Variants in RNF144B observed in about 807,000 individuals in gnomAD.
RNF144B encodes E3 ubiquitin-protein ligase RNF144B.
A neutral mutation model predicts 40.2 loss-of-function variants in RNF144B; 25 were observed. That is an observed-to-expected ratio of 0.62 (90% CI 0.45 to 0.87). The LOEUF (loss-of-function observed/expected upper bound fraction) is 0.87. Ranked by LOEUF, RNF144B falls within the 40% of genes least tolerant of loss-of-function variation. The pLI, the probability that RNF144B is intolerant of heterozygous loss-of-function variation, is 0.00. For missense variants in RNF144B, 365 were observed against 373.7 expected, an observed-to-expected ratio of 0.98 and a Z score of 0.19; for synonymous variants, 145 against 136.3, an observed-to-expected ratio of 1.06 and a Z score of -0.44.
rs1354524199 is a variant in RNF144B, at chr6:18,418,288, A to C, written c.166-9293A>C. On this transcript the variant is annotated intron_variant, in intron 2 of 7. Transcript: ENST00000259939. This position sits in a 1 kb window ranked among gnomAD's most constrained non-coding sequence, Gnocchi z 5.2. ...CATGAAAACTTGCTCATAGCAGCAT[A>C]ATTCATAATACCACTCAACTGGAAA... Among the ~76,000 whole-genome samples the C allele has an allele frequency of 6.6e-6, 1 of 152,198 alleles. No homozygotes were observed.
chr6:18,429,612 A>G lies in RNF144B; in HGVS notation c.270+1927A>G, dbSNP rs550424798. Among the ~76,000 whole-genome samples, 5 of 152,324 alleles carry G rather than the reference A, an allele frequency of 3.3e-5. No homozygotes were observed. In the East Asian group the frequency reaches 5.8e-4, roughly 18 times the overall value. On this transcript the variant is annotated intron_variant, in intron 3 of 7. Transcript: ENST00000259939. ...GAGTATGTAAACCCTGTGGAGAGAT[A>G]TATTATTGACTTTTGTAGGGTAAAA...
chr6:18,425,056 GGT>G lies in RNF144B; in HGVS notation c.166-2508_166-2507del, dbSNP rs10616768. ...TTTCACGTGTATGTGTGTATGTGTG[GGT>G]GTGTGTGTGTGTGTGTTAAAACCTG... On this transcript the variant is annotated intron_variant, in intron 2 of 7. Transcript: ENST00000259939. The surrounding 1 kb of genome is among the most constrained non-coding windows in gnomAD (Gnocchi z 4.2). Among the ~76,000 whole-genome samples, 18,462 of 150,928 alleles carry G rather than the reference GGT, an allele frequency of 0.12. 1,308 individuals carry two copies. The highest frequency in any genetic ancestry group is 0.19 in the Admixed American group (2,919 of 15,128).
intron 2 of RNF144B, among the ~76,000 whole-genome samples, chr6:18,404,813 C>T (rs12196106): frequency 0.39 from 59,597 of 152,030 alleles, 12,887 homozygotes; most frequent in East Asian, 0.57. Flanking sequence ...TATTTAAGAA[C>T]TTGCTTACTT....
chr6:18,396,853 A>G (rs1794703111), intron 1 of RNF144B: 1 of 983,642 alleles, frequency 1.0e-6, no homozygotes. Context: ...CCGTATGTTT[A>G]TCATAAAGAG....
chr6:18,400,470 T>C lies in RNF144B; in HGVS notation c.165+771T>C, dbSNP rs1298847792. Among the ~76,000 whole-genome samples, 1 of 152,138 alleles carries C rather than the reference T, an allele frequency of 6.6e-6. No homozygotes were observed. The highest frequency in any genetic ancestry group is 2.4e-5 in the African/African-American group (1 of 41,412). On this transcript the variant is annotated intron_variant, in intron 2 of 7. Coordinates refer to ENST00000259939, the MANE Select transcript of RNF144B (RefSeq NM_182757.4). This position sits in a 1 kb window ranked among gnomAD's most constrained non-coding sequence, Gnocchi z 5.6. ...AGCTCCTTTTATGCTGTTTTCACAG[T>C]ATGCTGAATCCTTCTTATTCCACTT...
intron 6 of RNF144B, among the ~76,000 whole-genome samples, chr6:18,461,518 T>C (rs966094231): frequency 6.6e-6 from 1 of 152,204 alleles, no homozygotes; most frequent in African/African-American, 2.4e-5. Flanking sequence ...GGAACAAATA[T>C]GTGCACCAGA....
intron 1 of RNF144B, among the ~76,000 whole-genome samples, chr6:18,389,145 CT>C (rs1169030343): frequency 6.6e-6 from 1 of 152,172 alleles, no homozygotes; most frequent in Non-Finnish European, 1.5e-5. Context: ...TGCCAAATAT[CT>C]TTGTGCTGAG....
chr6:18,387,693 T>A, intron 1 of RNF144B, 63 bp downstream of exon 1: 1 of 1,244,544 alleles, frequency 8.0e-7, no homozygotes, highest in South Asian at 1.3e-5. Context: ...GTTGCTGGAC[T>A]AAGGAAAAAG....
intron 4 of RNF144B, among the ~76,000 whole-genome samples, chr6:18,452,704 C>T (rs909358321): frequency 2.6e-5 from 4 of 151,944 alleles, no homozygotes; most frequent in African/African-American, 9.7e-5. Flanking sequence ...TCTCCTAGCC[C>T]CTGCCTTTAC....
rs1759413789 is a variant in RNF144B, at chr6:18,459,822, AT to A, written c.681+75del. On this transcript the variant is annotated intron_variant, in intron 6 of 7. Coordinates refer to ENST00000259939, the MANE Select transcript of RNF144B (RefSeq NM_182757.4). This position sits in a 1 kb window ranked among gnomAD's most constrained non-coding sequence, Gnocchi z 4.2. ...CTGCACCACAGCTGATATCCTACAG[AT>A]TTTCCTTTAAAATATTGGGGCAATT... 3 of 1,405,048 alleles carry A rather than the reference AT, an allele frequency of 2.1e-6. No individual in the cohort carries two copies. In the Admixed American group the frequency reaches 6.6e-5, roughly 31 times the overall value. 87.0% of individuals were successfully genotyped at this position (1,405,048 alleles called of 1,614,324 possible). A position where few individuals can be genotyped will look rare whatever the true frequency, so the allele number is the denominator to read the frequency against.
At position 18,410,442 on chromosome 6, in the gene RNF144B, G is replaced by A. The variant is rs552256970; in HGVS notation, c.165+10743G>A. Among the ~76,000 whole-genome samples the A allele has an allele frequency of 6.6e-6, 1 of 152,186 alleles. No individual in the cohort carries two copies. Among genetic ancestry groups the A allele is most frequent in the Non-Finnish European group, 1.5e-5 (1 of 68,046 alleles). On this transcript the variant is annotated intron_variant, in intron 2 of 7. Coordinates refer to ENST00000259939, the MANE Select transcript of RNF144B (RefSeq NM_182757.4). This position sits in a 1 kb window ranked among gnomAD's most constrained non-coding sequence, Gnocchi z 4.6. Reference sequence around the variant, plus strand: ...TAAAATAGACTCAGGGAGGTAGGAGGTTTCCTAAGGGCTGAGACTGAAAGA... The same window carrying A: ...TAAAATAGACTCAGGGAGGTAGGAGATTTCCTAAGGGCTGAGACTGAAAGA...
chr6:18,399,810 C>A, intron 2 of RNF144B, 111 bp downstream of exon 2: 1 of 820,416 alleles, frequency 1.2e-6, no homozygotes, highest in African/African-American at 1.7e-5. Context: ...CAATATGATC[C>A]TGCTTTGGAA....
At position 18,446,910 on chromosome 6, in the gene RNF144B, TATGTC is replaced by T. The variant is rs745445935; in HGVS notation, c.331+7168_331+7172del. Among the ~76,000 whole-genome samples the T allele has an allele frequency of 5.0e-4, 76 of 151,720 alleles. 1 individual carries two copies. The highest frequency in any genetic ancestry group is 9.3e-4 in the Non-Finnish European group (63 of 67,944). On this transcript the variant is annotated intron_variant, in intron 4 of 7. Coordinates refer to ENST00000259939, the MANE Select transcript of RNF144B (RefSeq NM_182757.4). This position sits in a 1 kb window ranked among gnomAD's most constrained non-coding sequence, Gnocchi z 4.7. Reference sequence around the variant, plus strand: ...GTTGTGTGTTTGTTGGCTCAACAAATATGTCAGGACATCTCCATGACGGTAAATTA... The same window carrying T: ...GTTGTGTGTTTGTTGGCTCAACAAATAGGACATCTCCATGACGGTAAATTA...
At position 18,406,623 on chromosome 6, in the gene RNF144B, G is replaced by A. The variant is rs9367995; in HGVS notation, c.165+6924G>A. 0.86 allele frequency among the ~76,000 whole-genome samples: 130,977 copies of A among 151,784 alleles called. 56,931 individuals are homozygous for A. The highest frequency in any genetic ancestry group is 1 in the East Asian group (5,146 of 5,156). On this transcript the variant is annotated intron_variant, in intron 2 of 7. Coordinates refer to ENST00000259939, the MANE Select transcript of RNF144B (RefSeq NM_182757.4). This position sits in a 1 kb window ranked among gnomAD's most constrained non-coding sequence, Gnocchi z 4.2. ...GAAGGCTTGAGAACTAAGAGAGCCA[G>A]TGGTATAAGTCCCAGTCCGAGGGCA...
At position 18,395,662 on chromosome 6, in the gene RNF144B, GA is replaced by G. The variant is rs368738259; in HGVS notation, c.-36-3834del. On this transcript the variant is annotated intron_variant, in intron 1 of 7. Transcript: ENST00000259939. This position sits in a 1 kb window ranked among gnomAD's most constrained non-coding sequence, Gnocchi z 4.5. ...GTTGGTTTTGCCCAAAGTGAGAAACGAAAGGGTTGGTTTTTAGTCTGTGCAT... is the reference window on the plus strand; with the variant it reads ...GTTGGTTTTGCCCAAAGTGAGAAACGAAGGGTTGGTTTTTAGTCTGTGCAT... Among the ~76,000 whole-genome samples the G allele has an allele frequency of 3.3e-3, 497 of 151,852 alleles. No individual in the cohort carries two copies. Among genetic ancestry groups the G allele is most frequent in the Non-Finnish European group, 5.9e-3 (399 of 67,978 alleles).
In RNF144B at chr6:18,422,873, C is replaced by T. The variant is rs554459231; in HGVS notation, c.166-4708C>T. Among the ~76,000 whole-genome samples the T allele has an allele frequency of 1.3e-4, 19 of 151,592 alleles. No individual in the cohort carries two copies. In the East Asian group the frequency reaches 1.9e-3, roughly 16 times the overall value. On this transcript the variant is annotated intron_variant, in intron 2 of 7. Transcript: ENST00000259939. The surrounding 1 kb of genome is among the most constrained non-coding windows in gnomAD (Gnocchi z 4.7). ...CTGAGGAGCTGAGGTGGGAGGATCA[C>T]TGAACCCAGGAGTTTGAGGTTTGCA...
Position 18,456,610 on chromosome 6 carries a change from A to G in RNF144B, c.332-545A>G, listed in dbSNP as rs142888294. Among the ~76,000 whole-genome samples the G allele has an allele frequency of 6.6e-6, 1 of 152,230 alleles. No homozygotes were observed. The highest frequency in any genetic ancestry group is 1.5e-5 in the Non-Finnish European group (1 of 68,038). ...TACAGAGAACACTTTTTATCTGTTC[A>G]TAAAGGCAATGGTAAGCTATTCTGT... On this transcript the variant is annotated intron_variant, in intron 4 of 7. Coordinates refer to ENST00000259939, the MANE Select transcript of RNF144B (RefSeq NM_182757.4). This position sits in a 1 kb window ranked among gnomAD's most constrained non-coding sequence, Gnocchi z 4.7.
rs2113547833 is a variant in RNF144B at position 18,467,955 on chromosome 6, C to A, written c.*2888C>A. On this transcript the variant is annotated 3_prime_UTR_variant, in exon 8 of 8. Coordinates refer to ENST00000259939, the MANE Select transcript of RNF144B (RefSeq NM_182757.4). Reference sequence around the variant, plus strand: ...TGTGCCTGACAGCTGACAGTTTTAACTGACAACTTTGATAACAGAGGCTGC... The same window carrying A: ...TGTGCCTGACAGCTGACAGTTTTAAATGACAACTTTGATAACAGAGGCTGC... 1 of 152,258 alleles carries A rather than the reference C, an allele frequency of 6.6e-6. No homozygotes were observed. Among genetic ancestry groups the A allele is most frequent in the East Asian group, 1.9e-4 (1 of 5,174 alleles). The allele number at this position is 152,258 out of a possible 1,614,324, so 9.4% of individuals were successfully genotyped here.
Position 18,400,679 on chromosome 6 carries a change from C to T in RNF144B, c.165+980C>T, listed in dbSNP as rs544959370. On this transcript the variant is annotated intron_variant, in intron 2 of 7. Transcript: ENST00000259939. The surrounding 1 kb of genome is among the most constrained non-coding windows in gnomAD (Gnocchi z 5.6). ...CACAGAATAGCATTGTTCATTTAAT[C>T]AACAAATATCTGTTGAGCAGGAACT... Among the ~76,000 whole-genome samples the T allele has an allele frequency of 6.6e-6, 1 of 152,246 alleles. No individual in the cohort carries two copies. Among genetic ancestry groups the T allele is most frequent in the South Asian group, 2.1e-4 (1 of 4,822 alleles).
Sources: allele counts gnomAD v4.1 joint callset (sites outside exome capture counted in the v4.1 genomes callset), GRCh38; gene constraint gnomAD v4.1.1; non-coding constraint Gnocchi (gnomAD v3.1); transcripts MANE v1.5; gene names NCBI Gene and HGNC (gene_info 2026-07-23, HGNC 2026-07-21).